The following PKD2 variants were observed in gnomAD, a reference collection of about 807,000 sequenced individuals.
The protein encoded by PKD2 is polycystin-2.
PKD2 carries 48 observed loss-of-function variants against 105.9 expected under a neutral mutation model. The ratio of observed to expected loss-of-function variants is 0.45; its 90% CI spans 0.36 to 0.58. The LOEUF (loss-of-function observed/expected upper bound fraction) is 0.58. Ranked by LOEUF, PKD2 falls within the 20% of genes least tolerant of loss-of-function variation. The pLI is 0.00. For missense variants in PKD2, 1,078 were observed against 1,255.3 expected (o/e 0.86, Z 2.13); for synonymous variants, 464 against 481.1 (o/e 0.96, Z 0.46).
Position 88,075,555 on chromosome 4 carries a change from C to T in PKD2, c.2768C>T (p.Ser923Phe). Residue 923 changes from serine to phenylalanine, a missense_variant, in exon 15 of 15, where the codon TCC becomes TTC. Ser to Phe is a radical substitution (Grantham distance 155). This residue lies in a region of PKD2 where 868 missense variants were observed against 1,067.3 expected (regional missense o/e 0.81). Transcript: ENST00000237596. ...CGCTGGGAATCCGATGATGCAGCTT[C>T]CCAGATCAGTCATGGTTTAGGCACG... ...LERWESDDAA[S>F]QISHGLGTPV... 1 of 1,614,124 alleles carries T rather than the reference C, an allele frequency of 6.2e-7. No homozygotes were observed. Among genetic ancestry groups the T allele is most frequent in the Non-Finnish European group, 8.5e-7 (1 of 1,179,978 alleles).
intron 9 of PKD2, among the ~76,000 whole-genome samples, chr4:88,059,573 C>T (rs1378246750): frequency 6.6e-6 from 1 of 152,080 alleles, no homozygotes; most frequent in Non-Finnish European, 1.5e-5. Context: ...AGTAGGCAGC[C>T]ATCTTACCAG....
At position 88,061,737 on chromosome 4, in the gene PKD2, C is replaced by CA. The variant is rs60055635; in HGVS notation, c.2020-158dup. ...TGGGCAACACAGTGAGACTCTGTCT[C>CA]AAAAAAAAAAATTTTTTTTTAAATA... On this transcript the variant is annotated intron_variant, in intron 9 of 14. Transcript: ENST00000237596. Among the ~76,000 whole-genome samples, 3,836 of 142,296 alleles carry CA rather than the reference C, an allele frequency of 0.027. 152 individuals carry two copies. The highest frequency in any genetic ancestry group is 0.2 in the East Asian group (1,018 of 5,032). 93.4% of individuals were successfully genotyped at this position (142,296 alleles called of 152,430 possible). A position where few individuals can be genotyped will look rare whatever the true frequency, so the allele number is the denominator to read the frequency against.
At chr4:88,049,348 C>T (rs1005873024) in intron 6 of PKD2, among the ~76,000 whole-genome samples, 1 of 152,220 alleles carries the variant, frequency 6.6e-6, no homozygotes, top group Non-Finnish European at 1.5e-5. Context: ...CAGTGAATTG[C>T]CTTGCACCTG....
intron 2 of PKD2, among the ~76,000 whole-genome samples, chr4:88,033,896 A>G (rs1727244228): frequency 6.6e-6 from 1 of 152,172 alleles, no homozygotes; most frequent in South Asian, 2.1e-4. Context: ...TCGATTGGCT[A>G]TAGACTTACA....
intron 1 of PKD2, among the ~76,000 whole-genome samples, chr4:88,012,444 AT>A (rs1436418966): frequency 8.3e-6 from 1 of 119,810 alleles, no homozygotes; most frequent in African/African-American, 3.5e-5. Flanking sequence ...GTTTATGAAC[AT>A]TTATTTATTA....
At position 88,007,795 on chromosome 4, in the gene PKD2, C is replaced by G; in HGVS notation, c.62C>G (p.Pro21Arg). The G allele has an allele frequency of 1.7e-6, 2 of 1,166,556 alleles. No individual in the cohort carries two copies. Among genetic ancestry groups the G allele is most frequent in the Non-Finnish European group, 2.1e-6 (2 of 943,342 alleles). 72.3% of individuals were successfully genotyped at this position (1,166,556 alleles called of 1,614,324 possible). ...QPGDAKRPPA[P>R]RAPDPGRLMA... is the part of the protein sequence containing the mutation. ...GGGGACGCCAAGCGGCCGCCCGCGC[C>G]CCGCGCGCCGGACCCGGGCCGGCTG... is the stretch of plus-strand genomic sequence containing the variant. Residue 21 changes from proline (P) to arginine (R), a missense_variant, in exon 1 of 15, where the codon CCC becomes CGC. By Grantham distance (103) the Pro-to-Arg change is moderately radical (BLOSUM62 -2). Around this residue, in one of 2 missense-constraint regions of PKD2, gnomAD observed 210 missense variants for 187.9 expected, o/e 1.12. Coordinates refer to ENST00000237596, the MANE Select transcript of PKD2 (RefSeq NM_000297.4).
intron 1 of PKD2, 38 bp downstream of exon 1, chr4:88,008,366 C>G: frequency 6.7e-7 from 1 of 1,494,594 alleles, no homozygotes; most frequent in Non-Finnish European, 8.9e-7. Flanking sequence ...ATGCACGAAC[C>G]AGAACGGCCG....
At chr4:88,025,426 A>C (rs921504128) in intron 2 of PKD2, among the ~76,000 whole-genome samples, 1 of 151,924 alleles carries the variant, frequency 6.6e-6, no homozygotes, top group Non-Finnish European at 1.5e-5. Context: ...CCTGAGCTAC[A>C]CAGTGAGACC....
chr4:88,056,062 A>T (rs764580407), intron 7 of PKD2, 24 bp from the exon 8 acceptor site: 27 of 1,496,722 alleles, frequency 1.8e-5, no homozygotes, highest in Non-Finnish European at 2.4e-5. Context: ...CCATTCATCT[A>T]TTGATGTCTT....
At position 88,070,803 on chromosome 4, in the gene PKD2, T is replaced by A. The variant is rs112141731; in HGVS notation, c.2522+2742T>A. Reference sequence around the variant, plus strand: ...CATGCTGCCATGCCTGGCTAATTTTTAAAAAAAAATTTGTAGAGATGGCAT... The same window carrying A: ...CATGCTGCCATGCCTGGCTAATTTTAAAAAAAAAATTTGTAGAGATGGCAT... On this transcript the variant is annotated intron_variant, in intron 13 of 14. Transcript: ENST00000237596. Among the ~76,000 whole-genome samples the A allele has an allele frequency of 9.3e-3, 1,409 of 150,806 alleles. 21 individuals are homozygous for A. The highest frequency in any genetic ancestry group is 0.032 in the African/African-American group (1,322 of 41,164).
chr4:88,055,249 A>C (rs1014987637), intron 7 of PKD2, among the ~76,000 whole-genome samples: 2 of 152,246 alleles, frequency 1.3e-5, no homozygotes, highest in African/African-American at 4.8e-5. Context: ...GGCAATGTAC[A>C]TAAAGCCCTC....
In PKD2 at chr4:88,061,924, A is replaced by G; in HGVS notation, c.2038A>G (p.Ile680Val). The change falls in exon 10 of 15, where the codon ATC (isoleucine) becomes GTC (valine). Residue 680 changes from isoleucine to valine, a missense_variant. Physicochemically the swap from Ile to Val is conservative, Grantham distance 29. Transcript: ENST00000237596. ...CAAACAGAATATGTTTTTGGCTATC[A>G]TCAATGATACTTACTCTGAAGTGAA... The part of the protein sequence containing the change: ...FILLNMFLAI[I>V]NDTYSEVKSD... 6.5e-7 allele frequency: 1 copy of G among 1,548,192 alleles called. No individual in the cohort carries two copies. The highest frequency in any genetic ancestry group is 8.9e-7 in the Non-Finnish European group (1 of 1,120,082).
Position 88,032,540 on chromosome 4 carries a change from A to G in PKD2, c.710-3680A>G, listed in dbSNP as rs1465574857. ...GAATTCAGTGGTTAAGACAAGGATT[A>G]AATAGCAGAAGAAAGATGTGTACAT... On this transcript the variant is annotated intron_variant, in intron 2 of 14. Coordinates refer to ENST00000237596, the MANE Select transcript of PKD2 (RefSeq NM_000297.4). Among the ~76,000 whole-genome samples the G allele has an allele frequency of 2.0e-5, 3 of 152,344 alleles. No homozygotes were observed. In the East Asian group the frequency reaches 5.8e-4, roughly 29 times the overall value.
chr4:88,046,757 A>G lies in PKD2; in HGVS notation c.1435A>G (p.Ile479Val), dbSNP rs754146126. The G allele has an allele frequency of 1.9e-6, 3 of 1,612,214 alleles. No individual in the cohort carries two copies. The highest frequency in any genetic ancestry group is 2.5e-6 in the Non-Finnish European group (3 of 1,178,250). ...FDFFLAACEIIFCFFIFYYVV... is the reference protein window; with the variant it reads ...FDFFLAACEIVFCFFIFYYVV... The stretch of plus-strand genomic sequence containing the variant: ...TTTCTTCCTGGCAGCCTGTGAGATT[A>G]TCTTTTGTTTCTTTATCTTTTACTA... The change falls in exon 6 of 15, where the codon ATC becomes GTC. Residue 479 changes from isoleucine to valine, a missense_variant. Ile to Val is a conservative substitution (Grantham distance 29). Coordinates refer to ENST00000237596, the MANE Select transcript of PKD2 (RefSeq NM_000297.4).
At chr4:88,060,546 G>T (rs1459852326) in intron 9 of PKD2, among the ~76,000 whole-genome samples, 1 of 151,922 alleles carries the variant, frequency 6.6e-6, no homozygotes, top group Non-Finnish European at 1.5e-5. Context: ...ACTGGGGTAA[G>T]GAAAACAGCC....
intron 1 of PKD2, among the ~76,000 whole-genome samples, chr4:88,017,478 T>C (rs34785481): frequency 0.31 from 46,719 of 152,076 alleles, 8,149 homozygotes; most frequent in African/African-American, 0.47. Flanking sequence ...GGTGTGATTT[T>C]GGCTCACTGC....
chr4:88,035,637 T>G (rs1578128503), intron 2 of PKD2, among the ~76,000 whole-genome samples: 1 of 151,612 alleles, frequency 6.6e-6, no homozygotes, highest in South Asian at 2.1e-4. Context: ...AGAATAGGGG[T>G]GGGGTAACAA....
Position 88,018,290 on chromosome 4 carries a change from G to A in PKD2, c.596-1168G>A, listed in dbSNP as rs74876397. Among the ~76,000 whole-genome samples, 69 of 152,310 alleles carry A rather than the reference G, an allele frequency of 4.5e-4. No homozygotes were observed. The Middle Eastern group carries it at 0.01, about 23-fold the overall frequency. On this transcript the variant is annotated intron_variant, in intron 1 of 14. Transcript: ENST00000237596. ...AAGGAAATACCCAAATTCAGGAATA[G>A]AACTTACATATTATTATAAGACTTA... is the stretch of plus-strand genomic sequence containing the variant.
chr4:88,056,371 A>G, intron 8 of PKD2, 104 bp downstream of exon 8: 1 of 710,782 alleles, frequency 1.4e-6, no homozygotes, highest in Non-Finnish European at 2.4e-6. Context: ...AATTATTTAA[A>G]ACCAGTTATT....
Sources: allele counts gnomAD v4.1 joint callset (sites outside exome capture counted in the v4.1 genomes callset), GRCh38; gene constraint gnomAD v4.1.1; regional missense constraint gnomAD v4.1.1; transcripts MANE v1.5; gene names NCBI Gene and HGNC (gene_info 2026-07-23, HGNC 2026-07-21).